The following TTC6 variants were observed in gnomAD, a reference collection of about 807,000 sequenced individuals.
The protein encoded by TTC6 is tetratricopeptide repeat domain 6, also known as tetratricopeptide repeat protein 6.
TTC6 carries 172 observed loss-of-function variants against 210.4 expected under a neutral mutation model. That is an observed-to-expected ratio of 0.82 (90% CI 0.72 to 0.93). TTC6 has a LOEUF of 0.93. TTC6 is among the 40% of genes least tolerant of loss of function. The probability of loss-of-function intolerance (pLI) is 0.00; values close to 1 mark genes in which losing one functional copy is unlikely to be tolerated. For synonymous variants in TTC6, 804 were observed against 819.6 expected (o/e 0.98, Z 0.32); for missense variants, 2,414 against 2,318.1 (o/e 1.04, Z -0.85).
At chr14:37,750,888 T>TA (rs886638112) in intron 12 of TTC6, among the ~76,000 whole-genome samples, 165 bp from the exon 15 acceptor site, 1 of 151,872 alleles carries the variant, frequency 6.6e-6, no homozygotes, top group African/African-American at 2.4e-5. Flanking sequence ...AGATCCTGCC[T>TA]AAAAAAATAA....
In TTC6 at chr14:37,657,013, C is replaced by G. The variant is rs189577948; in HGVS notation, c.940-23138C>G. Among the ~76,000 whole-genome samples, 750 of 152,068 alleles carry G rather than the reference C, an allele frequency of 4.9e-3. 3 individuals are homozygous for G. The highest frequency in any genetic ancestry group is 7.8e-3 in the Non-Finnish European group (533 of 67,980). On this transcript the variant is annotated intron_variant, in intron 1 of 30. Coordinates refer to ENST00000553443, the Ensembl canonical transcript of TTC6. Reference sequence around the variant, plus strand: ...TCACCTGAGGTCAGGCGTTCTAGACCAGCCTGGCCAACATGGCGAAACCCC... The same window carrying G: ...TCACCTGAGGTCAGGCGTTCTAGACGAGCCTGGCCAACATGGCGAAACCCC...
intron 1 of TTC6, among the ~76,000 whole-genome samples, chr14:37,679,239 A>C (rs539707437): frequency 6.6e-6 from 1 of 152,192 alleles, no homozygotes; most frequent in African/African-American, 2.4e-5. Context: ...AAAGTCATGT[A>C]GTTGAATGCC....
chr14:37,804,423 A>G (rs2096113708), intron 20 of TTC6, among the ~76,000 whole-genome samples: 1 of 152,222 alleles, frequency 6.6e-6, no homozygotes, highest in African/African-American at 2.4e-5. Context: ...CCAAAAATCC[A>G]TGTCCATAAG....
At chr14:37,794,777 A>T (rs1157876380) in intron 17 of TTC6, among the ~76,000 whole-genome samples, 1 of 151,890 alleles carries the variant, frequency 6.6e-6, no homozygotes, top group African/African-American at 2.4e-5. Context: ...GTCTAGATGG[A>T]GTCTCACTAT....
intron 3 of TTC6, among the ~76,000 whole-genome samples, chr14:37,694,622 C>T (rs1319217890): frequency 1.3e-5 from 2 of 152,176 alleles, no homozygotes; most frequent in African/African-American, 4.8e-5. Flanking sequence ...GATATCTGCA[C>T]TTCCATGTTT....
chr14:37,796,866 G>A (rs765949550), exon 20 of TTC6: 1 of 1,611,218 alleles, frequency 6.2e-7, no homozygotes, highest in African/African-American at 1.3e-5. Context: ...TTGAGGTCTT[G>A]GACGGAATCA....
At position 37,632,760 on chromosome 14, in the gene TTC6, G is replaced by C. The variant is rs541003551; in HGVS notation, c.939+9757G>C. ...GGTGCTCTGTCCCAGAGAGATGGGA[G>C]TTTTATCTGTAAGCCATGAGTGGGG... On this transcript the variant is annotated intron_variant, in intron 1 of 30. Transcript: ENST00000553443. Among the ~76,000 whole-genome samples the C allele has an allele frequency of 9.2e-5, 14 of 152,352 alleles. No homozygotes were observed. The East Asian group carries it at 2.7e-3, about 29-fold the overall frequency.
rs1359708568 is a variant in TTC6 at position 37,598,322 on chromosome 14, T to C, written c.-235+2314T>C. ...TAAACTTGCCTGTGTTTAAGACGGG[T>C]CTGCGACAGCTTGGGGCGGTCCAGG... On this transcript the variant is annotated intron_variant, in intron 1 of 2. Transcript: ENST00000556845. The surrounding 1 kb of genome is among the most constrained non-coding windows in gnomAD (Gnocchi z 4.9). Among the ~76,000 whole-genome samples, 6 of 152,106 alleles carry C rather than the reference T, an allele frequency of 3.9e-5. No homozygotes were observed. The South Asian group carries it at 1.2e-3, about 32-fold the overall frequency.
At chr14:37,799,235 C>G (rs144010940) in intron 20 of TTC6, among the ~76,000 whole-genome samples, 120 of 152,222 alleles carry the variant, frequency 7.9e-4, no homozygotes, top group African/African-American at 2.7e-3. Context: ...GACTTTTTAT[C>G]AGCTTCATTC....
intron 1 of TTC6, among the ~76,000 whole-genome samples, chr14:37,673,072 G>A (rs1353391272): frequency 1.3e-5 from 2 of 152,008 alleles, no homozygotes; most frequent in Non-Finnish European, 2.9e-5. Flanking sequence ...TATGGCAGCT[G>A]TTCAAATTCC....
At chr14:37,779,244 CCT>C (rs1261468009) in intron 14 of TTC6, among the ~76,000 whole-genome samples, 1 of 152,144 alleles carries the variant, frequency 6.6e-6, no homozygotes, top group Non-Finnish European at 1.5e-5. Context: ...TCATCTTTGT[CCT>C]CTTTCTGTTC....
intron 1 of TTC6, among the ~76,000 whole-genome samples, chr14:37,671,660 G>C (rs566672637): frequency 7.2e-5 from 11 of 152,234 alleles, no homozygotes; most frequent in African/African-American, 2.6e-4. Context: ...CATTTGAGAA[G>C]ACATAGCAAA....
chr14:37,635,082 G>A (rs943255910), intron 1 of TTC6, among the ~76,000 whole-genome samples: 5 of 152,268 alleles, frequency 3.3e-5, no homozygotes, highest in African/African-American at 9.6e-5. Flanking sequence ...TTCTCCTCTT[G>A]CGTTTTCTAG....
chr14:37,820,776 T>C (rs1271031220), intron 26 of TTC6, among the ~76,000 whole-genome samples: 1 of 151,754 alleles, frequency 6.6e-6, no homozygotes, highest in Non-Finnish European at 1.5e-5. Flanking sequence ...ACTAAATGCA[T>C]TTTACACAGA....
intron 1 of TTC6, among the ~76,000 whole-genome samples, chr14:37,624,459 G>GAAAGTT (rs1483191649): frequency 6.6e-6 from 1 of 152,126 alleles, no homozygotes; most frequent in Non-Finnish European, 1.5e-5. Context: ...TGGTCCAGAG[G>GAAAGTT]TCCCGTACAG....
At position 37,740,146 on chromosome 14, in the gene TTC6, G is replaced by A. The variant is rs1471422641; in HGVS notation, c.2363+991G>A. ...CCACTGCACTCCAGCCTGGGCGACA[G>A]AGCGAGACTCCGTCTCAAAAAAAAA... On this transcript the variant is annotated intron_variant, in intron 10 of 30. Transcript: ENST00000553443. Among the ~76,000 whole-genome samples the A allele has an allele frequency of 8.5e-5, 12 of 141,726 alleles. No individual in the cohort carries two copies. In the East Asian group the frequency reaches 2.5e-3, roughly 30 times the overall value. The allele number at this position is 141,726 out of a possible 152,430, so 93.0% of individuals were successfully genotyped here.
At chr14:37,792,720 A>G (rs541852422) in intron 17 of TTC6, among the ~76,000 whole-genome samples, 2 of 151,722 alleles carry the variant, frequency 1.3e-5, no homozygotes, top group East Asian at 3.9e-4. Flanking sequence ...ACTATTATCT[A>G]TAATTTTATT....
exon 3 of TTC6, chr14:37,682,799 C>T: frequency 2.6e-6 from 4 of 1,535,554 alleles, no homozygotes; most frequent in Non-Finnish European, 2.6e-6. Context: ...CAAGTATTCT[C>T]CAGATTGAAC....
At chr14:37,634,302 A>C (rs970998458) in intron 1 of TTC6, among the ~76,000 whole-genome samples, 1 of 152,196 alleles carries the variant, frequency 6.6e-6, no homozygotes, top group Non-Finnish European at 1.5e-5. Flanking sequence ...AGAAGAACCA[A>C]AGGAAATTTT....
Sources: allele counts gnomAD v4.1 joint callset (sites outside exome capture counted in the v4.1 genomes callset), GRCh38; gene constraint gnomAD v4.1.1; non-coding constraint Gnocchi (gnomAD v3.1); transcripts MANE v1.5; gene names NCBI Gene and HGNC (gene_info 2026-07-23, HGNC 2026-07-21).